Variants in ZAP70 observed in about 807,000 individuals in gnomAD.
ZAP70 encodes tyrosine-protein kinase ZAP-70.
ZAP70 carries 27 observed loss-of-function variants against 65.8 expected under a neutral mutation model. That is an observed-to-expected ratio of 0.41 (90% CI 0.30 to 0.57). The LOEUF is 0.57. Ranked by LOEUF, ZAP70 falls within the 20% of genes least tolerant of loss-of-function variation. The pLI, the probability that ZAP70 is intolerant of heterozygous loss-of-function variation, is 0.28. For missense variants in ZAP70, 696 were observed against 870.5 expected (o/e 0.80, Z 2.52); for synonymous variants, 363 against 360.8 (o/e 1.01, Z -0.07).
At chr2:97,749,762 C>T in the ZAP70 span, among the ~76,000 whole-genome samples, 1 of 152,226 alleles carries the variant, frequency 6.6e-6, no homozygotes, top group South Asian at 2.1e-4. Context: ...GACATGCTGC[C>T]GCAGTTCTGC....
In ZAP70 at chr2:97,725,201, A is replaced by G. The variant is rs199631517; in HGVS notation, c.512A>G (p.Glu171Gly). ...TGGTACCACAGCAGCCTGACGCGTG[A>G]GGAGGCCGAGCGCAAACTTTACTCT... The part of the protein sequence containing the change: ...MPWYHSSLTR[E>G]EAERKLYSGA... Residue 171 changes from glutamate (E) to glycine (G), a missense_variant, in exon 4 of 14, where the codon GAG becomes GGG. Physicochemically the swap from Glu to Gly is moderately conservative, Grantham distance 98. Transcript: ENST00000264972. 338 of 1,614,162 alleles carry G rather than the reference A, an allele frequency of 2.1e-4. 6 individuals carry two copies. The South Asian group carries it at 3.4e-3, about 16-fold the overall frequency.
the ZAP70 span, among the ~76,000 whole-genome samples, chr2:97,749,004 CTTTT>C: frequency 5.2e-5 from 6 of 114,988 alleles, no homozygotes; most frequent in African/African-American, 1.1e-4. Flanking sequence ...TGACACTTCC[CTTTT>C]TTTTTTTTTT....
At chr2:97,750,817 A>T in the ZAP70 span, among the ~76,000 whole-genome samples, 1 of 152,272 alleles carries the variant, frequency 6.6e-6, no homozygotes, top group Non-Finnish European at 1.5e-5. Context: ...AATAAAGCTT[A>T]TATGACTGTC....
intron 8 of ZAP70, 103 bp from the exon 9 acceptor site, chr2:97,734,417 G>T: frequency 1.4e-6 from 2 of 1,472,656 alleles, no homozygotes; most frequent in Non-Finnish European, 1.8e-6. Context: ...GCATGCTCCA[G>T]GGACGGCACC....
At chr2:97,754,162 A>G in the ZAP70 span, among the ~76,000 whole-genome samples, 2 of 152,202 alleles carry the variant, frequency 1.3e-5, no homozygotes, top group Non-Finnish European at 1.5e-5. Flanking sequence ...TGCCACTCAA[A>G]TACCTACCCT....
At chr2:97,735,657 G>A (rs899773011) in intron 10 of ZAP70, among the ~76,000 whole-genome samples, 1 of 152,270 alleles carries the variant, frequency 6.6e-6, no homozygotes, top group Admixed American at 6.5e-5. Flanking sequence ...TTGCACCAGT[G>A]CGGTAATAAC....
In ZAP70 at chr2:97,724,164, T is replaced by A. The variant is rs200207787; in HGVS notation, c.128T>A (p.Leu43Gln). ...LFLLRQCLRS[L>Q]GGYVLSLVHD... ...CTGCTGCGCCAGTGCCTGCGCTCGC[T>A]GGGCGGCTATGTGCTGTCGCTCGTG... is the stretch of plus-strand genomic sequence containing the variant. The change falls in exon 3 of 14, where the codon CTG becomes CAG. Residue 43 changes from leucine (L) to glutamine (Q), a missense_variant. Leu to Gln is a moderately radical substitution (Grantham distance 113). Transcript: ENST00000264972. 16 of 1,584,490 alleles carry A rather than the reference T, an allele frequency of 1.0e-5. No homozygotes were observed. Among genetic ancestry groups the A allele is most frequent in the Non-Finnish European group, 1.4e-5 (16 of 1,166,094 alleles).
At chr2:97,726,400 C>T (rs991255289) in intron 4 of ZAP70, among the ~76,000 whole-genome samples, 5 of 152,242 alleles carry the variant, frequency 3.3e-5, no homozygotes, top group African/African-American at 7.2e-5. Context: ...GCCTCTTTCC[C>T]ATGACCTCAG....
intron 7 of ZAP70, 54 bp from the exon 8 acceptor site, chr2:97,733,490 A>G: frequency 6.2e-7 from 1 of 1,610,916 alleles, no homozygotes; most frequent in Non-Finnish European, 8.5e-7. Context: ...TATAGGTCTC[A>G]TGAGAGGGGC....
At chr2:97,734,214 G>A (rs1278788992) in intron 8 of ZAP70, 3 of 577,918 alleles carry the variant, frequency 5.2e-6, no homozygotes, top group Non-Finnish European at 8.2e-6. Context: ...CCCGGCCATA[G>A]GCGTACACGT....
At chr2:97,724,475 C>T (rs1390093523) in intron 3 of ZAP70, 37 bp downstream of exon 3, 1 of 1,513,358 alleles carries the variant, frequency 6.6e-7, no homozygotes, top group African/African-American at 1.4e-5. Flanking sequence ...TCTGGAGGGG[C>T]GTGGCCGAAG....
chr2:97,740,874 A>G (rs1678111662), downstream of ZAP70, among the ~76,000 whole-genome samples: 1 of 152,236 alleles, frequency 6.6e-6, no homozygotes. Context: ...AAAGTCCGGC[A>G]GAGTCAAAGG....
rs1677984335 is a variant in ZAP70, at chr2:97,738,081, A to C, written c.1710A>C (p.Ala570=). The C allele has an allele frequency of 1.9e-6, 3 of 1,606,816 alleles. No homozygotes were observed. In the East Asian group the frequency reaches 6.7e-5, roughly 36 times the overall value. The change falls in exon 13 of 14, where the codon GCA becomes GCC. Residue 570 remains alanine, a synonymous_variant. Transcript: ENST00000264972. ...CPPECPPELY[A]LMSDCWIYKW... is the part of the protein sequence containing the mutation. ...CAGAGTGTCCACCCGAACTGTACGC[A>C]CTCATGAGTGACTGCTGGATCTACA... is the stretch of plus-strand genomic sequence containing the variant.
In ZAP70 at chr2:97,724,063, C is replaced by G; in HGVS notation, c.27C>G (p.Pro9=). 1 of 1,557,862 alleles carries G rather than the reference C, an allele frequency of 6.4e-7. No homozygotes were observed. Among genetic ancestry groups the G allele is most frequent in the Non-Finnish European group, 8.6e-7 (1 of 1,157,028 alleles). The change falls in exon 3 of 14, where the codon CCC becomes CCG. Residue 9 remains proline, a synonymous_variant. Coordinates refer to ENST00000264972, the MANE Select transcript of ZAP70 (RefSeq NM_001079.4). Reference sequence around the variant, plus strand: ...TGCCAGACCCCGCGGCGCACCTGCCCTTCTTCTACGGCAGCATCTCGCGTG... The same window carrying G: ...TGCCAGACCCCGCGGCGCACCTGCCGTTCTTCTACGGCAGCATCTCGCGTG... MPDPAAHL[P]FFYGSISRAE...
the ZAP70 span, among the ~76,000 whole-genome samples, chr2:97,751,066 A>G: frequency 3.9e-5 from 6 of 152,354 alleles, no homozygotes; most frequent in African/African-American, 1.2e-4. Flanking sequence ...GTATTCTTTC[A>G]AAGAATGGAT....
chr2:97,723,853 T>C (rs952323298), intron 2 of ZAP70, among the ~76,000 whole-genome samples, 163 bp from the exon 3 acceptor site: 2 of 152,252 alleles, frequency 1.3e-5, no homozygotes, highest in African/African-American at 4.8e-5. Flanking sequence ...AGGCTGCGGC[T>C]TCTCTCCAGG....
chr2:97,714,266 GC>G (rs889879233), intron 2 of ZAP70, among the ~76,000 whole-genome samples: 4 of 152,154 alleles, frequency 2.6e-5, no homozygotes, highest in African/African-American at 9.7e-5. Context: ...CTCCTGCTGG[GC>G]CCTGTTTGGC....
rs768410808 is a variant in ZAP70 at position 97,733,033 on chromosome 2, G to A, written c.702+12G>A. The A allele has an allele frequency of 3.5e-5, 56 of 1,613,970 alleles. No homozygotes were observed. The highest frequency in any genetic ancestry group is 1.8e-4 in the Admixed American group (11 of 60,012). On this transcript the variant is annotated intron_variant, in intron 5 of 13. Transcript: ENST00000264972. ...ACACGCTCTGGCAGGTAGGCTGCCC[G>A]TGCAACTTGTTCTGGGAGATGCCGT...
Position 97,735,398 on chromosome 2 carries a change from A to G in ZAP70, c.1231A>G (p.Met411Val). ...LIGVCQAEALMLVMEMAGGGP... is the reference protein window; with the variant it reads ...LIGVCQAEALVLVMEMAGGGP... ...TGGCGTCTGCCAGGCCGAGGCCCTC[A>G]TGCTGGTCATGGAGATGGCTGGGGG... Residue 411 changes from methionine to valine, a missense_variant, in exon 10 of 14, where the codon ATG becomes GTG. Transcript: ENST00000264972. 6.2e-7 allele frequency: 1 copy of G among 1,613,914 alleles called. No individual in the cohort carries two copies. Among genetic ancestry groups the G allele is most frequent in the Non-Finnish European group, 8.5e-7 (1 of 1,179,908 alleles).
Sources: gnomAD v4.1 joint callset for allele counts (sites outside exome capture counted in the v4.1 genomes callset) on GRCh38, gnomAD v4.1.1 for gene constraint, MANE v1.5 for transcripts, NCBI Gene and HGNC (gene_info 2026-07-23, HGNC 2026-07-21) for gene names.